The following STIMATE variants were observed in gnomAD, a reference collection of about 807,000 sequenced individuals.
STIMATE encodes STIM activating enhancer.
A neutral mutation model predicts 36.7 loss-of-function variants in STIMATE; 15 were observed. The ratio of observed to expected loss-of-function variants is 0.41; its 90% CI spans 0.27 to 0.63. The LOEUF is 0.63. Among genes scored for constraint, STIMATE ranks in the 20% least tolerant of loss-of-function variants. STIMATE has a pLI of 0.32. For synonymous variants in STIMATE, 163 were observed against 162.3 expected (o/e 1.00, Z -0.03); for missense variants, 305 against 397.3 (o/e 0.77, Z 1.98).
intron 1 of STIMATE, among the ~76,000 whole-genome samples, chr3:52,857,039 A>C (rs1701112202): frequency 6.6e-6 from 1 of 152,234 alleles, no homozygotes; most frequent in East Asian, 1.9e-4. Flanking sequence ...GTGGGCAAGA[A>C]CCAACTTCTG....
intron 4 of STIMATE, among the ~76,000 whole-genome samples, chr3:52,845,286 C>T (rs1349514161): frequency 6.6e-6 from 1 of 152,246 alleles, no homozygotes; most frequent in Admixed American, 6.5e-5. Context: ...TGAAGCAAGA[C>T]TGCTATTCTT....
chr3:52,890,159 C>T (rs560363291), intron 1 of STIMATE, among the ~76,000 whole-genome samples: 1 of 152,344 alleles, frequency 6.6e-6, no homozygotes, highest in East Asian at 1.9e-4. Flanking sequence ...ATCCTCTTCA[C>T]GCTATACTGG....
chr3:52,864,666 A>G (rs1033664541), intron 1 of STIMATE, among the ~76,000 whole-genome samples: 2 of 152,134 alleles, frequency 1.3e-5, no homozygotes, highest in East Asian at 1.9e-4. Context: ...CTTCCCTTAC[A>G]AGACTGAATG....
chr3:52,839,300 G>T lies in STIMATE; in HGVS notation c.*1194C>A, dbSNP rs566614585. The stretch of plus-strand genomic sequence containing the variant: ...GTGCAAAACAAATAGGTGACACTAG[G>T]ATGACAGGTACCAGGGCAGCAGGAG... On this transcript the variant is annotated 3_prime_UTR_variant, in exon 8 of 8. Coordinates refer to ENST00000355083, the MANE Select transcript of STIMATE (RefSeq NM_198563.5). 2.6e-5 allele frequency: 4 copies of T among 152,390 alleles called. No individual in the cohort carries two copies. The highest frequency in any genetic ancestry group is 9.6e-5 in the African/African-American group (4 of 41,584). The allele number at this position is 152,390 out of a possible 1,614,324, so 9.4% of individuals were successfully genotyped here.
chr3:52,891,295 A>G (rs1701778363), intron 1 of STIMATE, among the ~76,000 whole-genome samples: 1 of 152,142 alleles, frequency 6.6e-6, no homozygotes, highest in Non-Finnish European at 1.5e-5. Context: ...ACTAACCAGG[A>G]GCCCTTGTAC....
At chr3:52,849,309 C>T (rs1559490280) in intron 4 of STIMATE, among the ~76,000 whole-genome samples, 1 of 152,190 alleles carries the variant, frequency 6.6e-6, no homozygotes, top group Non-Finnish European at 1.5e-5. Flanking sequence ...CCAGTACCAG[C>T]CGTGTGGAAT....
intron 1 of STIMATE, among the ~76,000 whole-genome samples, chr3:52,869,519 C>A (rs1014273711): frequency 3.9e-5 from 6 of 152,190 alleles, no homozygotes; most frequent in Non-Finnish European, 7.3e-5. Flanking sequence ...TTGCTTAGCT[C>A]CCTGCAATTG....
intron 1 of STIMATE, among the ~76,000 whole-genome samples, chr3:52,867,004 G>A (rs1463841952): frequency 6.6e-6 from 1 of 152,214 alleles, no homozygotes; most frequent in African/African-American, 2.4e-5. Context: ...CATAAAGACA[G>A]GGAAGCCGGG....
chr3:52,876,669 TCTTC>T (rs1412513658), intron 1 of STIMATE, among the ~76,000 whole-genome samples: 5 of 152,270 alleles, frequency 3.3e-5, no homozygotes, highest in Admixed American at 2.6e-4. Context: ...ATACATTTTC[TCTTC>T]CTTATGATTT....
intron 3 of STIMATE, among the ~76,000 whole-genome samples, chr3:52,851,892 C>T (rs900905189): frequency 7.9e-5 from 12 of 152,166 alleles, no homozygotes; most frequent in Admixed American, 4.6e-4. Flanking sequence ...GACTCCTGAG[C>T]GGTGTGAACT....
At chr3:52,850,606 G>C (rs923578478) in intron 3 of STIMATE, among the ~76,000 whole-genome samples, 2 of 152,350 alleles carry the variant, frequency 1.3e-5, no homozygotes, top group African/African-American at 4.8e-5. Context: ...AGGAGGCCCA[G>C]AACAGTGCTG....
chr3:52,874,839 C>A (rs910346019), intron 1 of STIMATE, among the ~76,000 whole-genome samples: 5 of 151,960 alleles, frequency 3.3e-5, no homozygotes, highest in African/African-American at 1.2e-4. Flanking sequence ...GAGATTCTGT[C>A]TCAAAAAATA....
At chr3:52,890,094 G>A (rs996696347) in intron 1 of STIMATE, among the ~76,000 whole-genome samples, 5 of 152,052 alleles carry the variant, frequency 3.3e-5, no homozygotes, top group South Asian at 4.2e-4. Flanking sequence ...ACACTTCCTC[G>A]AGTCCCCAGG....
At chr3:52,879,392 G>C (rs1481157151) in intron 1 of STIMATE, among the ~76,000 whole-genome samples, 2 of 152,218 alleles carry the variant, frequency 1.3e-5, no homozygotes, top group Non-Finnish European at 2.9e-5. Flanking sequence ...TTGGCCGGCA[G>C]TGGGAATCCC....
At chr3:52,843,586 G>T in intron 6 of STIMATE, 135 bp downstream of exon 6, 1 of 1,317,944 alleles carries the variant, frequency 7.6e-7, no homozygotes, top group African/African-American at 1.4e-5. Context: ...CAGGTCTGGG[G>T]GTGGGAGAGG....
chr3:52,891,551 C>T (rs965490395), intron 1 of STIMATE, among the ~76,000 whole-genome samples: 3 of 152,152 alleles, frequency 2.0e-5, no homozygotes, highest in African/African-American at 4.8e-5. Flanking sequence ...AGGGCCCTGC[C>T]GGTAAAAACA....
chr3:52,897,384 C>A lies in STIMATE; in HGVS notation c.67G>T (p.Gly23Trp). The change falls in exon 1 of 8, where the codon GGG (glycine) becomes TGG (tryptophan). Residue 23 changes from glycine to tryptophan, a missense_variant. Physicochemically the swap from Gly to Trp is radical, Grantham distance 184. This residue lies in a region of STIMATE where 57 missense variants were observed against 57.1 expected (regional missense o/e 1.00). Transcript: ENST00000355083. ...GCGCCGCTCTCGCAGCGGCCCGCCC[C>A]GGACGCGACTGTGGAGGGCGGCCCG... Reference protein sequence around the residue: ...PGGPPSTVASGAGRCESGALM... With the variant: ...PGGPPSTVASWAGRCESGALM... 6.6e-7 allele frequency: 1 copy of A among 1,515,038 alleles called. No individual in the cohort carries two copies. Among genetic ancestry groups the A allele is most frequent in the South Asian group, 1.2e-5 (1 of 82,986 alleles). The allele number at this position is 1,515,038 out of a possible 1,614,324, so 93.8% of individuals were successfully genotyped here.
intron 1 of STIMATE, among the ~76,000 whole-genome samples, chr3:52,866,694 C>T (rs1575338166): frequency 6.6e-6 from 1 of 152,334 alleles, no homozygotes; most frequent in East Asian, 1.9e-4. Flanking sequence ...GCACCCAGCT[C>T]GACTGTCCTC....
chr3:52,879,672 A>T (rs1701569491), intron 1 of STIMATE, among the ~76,000 whole-genome samples: 1 of 152,178 alleles, frequency 6.6e-6, no homozygotes, highest in Admixed American at 6.5e-5. Context: ...CTCTACTTAG[A>T]TCTCTCAAAT....
Sources: gnomAD v4.1 joint callset for allele counts (sites outside exome capture counted in the v4.1 genomes callset) on GRCh38, gnomAD v4.1.1 for gene constraint, gnomAD v4.1.1 regional missense constraint, MANE v1.5 for transcripts, NCBI Gene and HGNC (gene_info 2026-07-23, HGNC 2026-07-21) for gene names.